Variants in MAGI2 observed in about 807,000 individuals in gnomAD.
The protein encoded by MAGI2 is membrane-associated guanylate kinase, WW and PDZ domain-containing protein 2.
Under a neutral mutation model 133.3 loss-of-function variants are expected in MAGI2, and 35 were observed. The ratio of observed to expected loss-of-function variants is 0.26; its 90% CI spans 0.20 to 0.35. MAGI2 has a LOEUF of 0.35. Ranked by LOEUF, MAGI2 falls within the 10% of genes least tolerant of loss-of-function variation. The pLI, the probability that MAGI2 is intolerant of heterozygous loss-of-function variation, is 1.00. For missense variants in MAGI2, 1,636 were observed against 1,863.4 expected (o/e 0.88, Z 2.25); for synonymous variants, 729 against 710.6 (o/e 1.03, Z -0.41).
chr7:78,573,284 T>TTATATATAAATATATATATATTTA lies in MAGI2; in HGVS notation c.539-51640_539-51639insTAAATATATATATATTTATATATA, dbSNP rs1332121524. Among the ~76,000 whole-genome samples the TTATATATAAATATATATATATTTA allele has an allele frequency of 1.5e-4, 4 of 26,862 alleles. No homozygotes were observed. The East Asian group carries it at 5.7e-3, about 38-fold the overall frequency. The allele number at this position is 26,862 out of a possible 152,430, so 17.6% of individuals were successfully genotyped here. ...TATAAATATATATAAATATATATAT[T>TTATATATAAATATATATATATTTA]TATATAAATATATATATTTATATAT... On this transcript the variant is annotated intron_variant, in intron 3 of 21. Transcript: ENST00000354212.
intron 1 of MAGI2, among the ~76,000 whole-genome samples, chr7:79,372,908 G>A (rs1486574406): frequency 6.6e-6 from 1 of 151,850 alleles, no homozygotes; most frequent in Non-Finnish European, 1.5e-5. Context: ...CTGCTTTGGG[G>A]GAGTTCAGAA....
At chr7:78,560,605 GTGT>G (rs1171962442) in intron 3 of MAGI2, among the ~76,000 whole-genome samples, 1 of 152,072 alleles carries the variant, frequency 6.6e-6, no homozygotes, top group Non-Finnish European at 1.5e-5. Flanking sequence ...CAAAAGACAG[GTGT>G]TACAGAAATT....
intron 1 of MAGI2, among the ~76,000 whole-genome samples, chr7:79,302,954 A>G (rs1023177500): frequency 3.3e-5 from 5 of 152,216 alleles, no homozygotes; most frequent in Non-Finnish European, 7.3e-5. Flanking sequence ...ACTAACCAAT[A>G]CCATTTTAAT....
At chr7:79,179,062 C>T (rs7789660) in intron 1 of MAGI2, among the ~76,000 whole-genome samples, 104,956 of 151,784 alleles carry the variant, frequency 0.69, 39,419 homozygotes, top group Non-Finnish European at 0.84. Flanking sequence ...ACATCATAAA[C>T]AACAATCCTC....
chr7:79,243,178 T>C (rs1467169550), intron 1 of MAGI2, among the ~76,000 whole-genome samples: 2 of 152,046 alleles, frequency 1.3e-5, no homozygotes, highest in Non-Finnish European at 2.9e-5. Context: ...AATATTACAG[T>C]GTTCTGAAAA....
chr7:78,535,394 T>C (rs1471765108), intron 3 of MAGI2, among the ~76,000 whole-genome samples: 1 of 152,194 alleles, frequency 6.6e-6, no homozygotes, highest in African/African-American at 2.4e-5. Flanking sequence ...GATTTGTTTT[T>C]AAAACAGATG....
At chr7:78,921,378 C>G (rs1799208962) in intron 2 of MAGI2, among the ~76,000 whole-genome samples, 1 of 152,036 alleles carries the variant, frequency 6.6e-6, no homozygotes, top group African/African-American at 2.4e-5. Context: ...AATGTAGATT[C>G]CTAAGTTCAT....
chr7:78,854,661 T>A (rs191966891), intron 2 of MAGI2, among the ~76,000 whole-genome samples: 98 of 152,120 alleles, frequency 6.4e-4, no homozygotes, highest in African/African-American at 2.1e-3. Flanking sequence ...TTTTTTTTTT[T>A]TTATTACAAG....
chr7:78,079,686 T>C (rs950931465), intron 20 of MAGI2, among the ~76,000 whole-genome samples: 102 of 152,156 alleles, frequency 6.7e-4, no homozygotes, highest in African/African-American at 2.4e-3. Context: ...AAAATGAGAT[T>C]CTCCATTCTC....
At chr7:78,805,360 C>CCTTTGTT (rs1167809710) in intron 2 of MAGI2, among the ~76,000 whole-genome samples, 1 of 151,804 alleles carries the variant, frequency 6.6e-6, no homozygotes. Flanking sequence ...CATGTTCTTT[C>CCTTTGTT]CTCTTTGTTC....
chr7:79,159,138 G>A lies in MAGI2; in HGVS notation c.302-151932C>T, dbSNP rs142987893. ...TTTATATAAGAAAGGATCTCATGCG[G>A]TAAATTTCTGTCCTAAAATAAAATG... is the stretch of plus-strand genomic sequence containing the variant. On this transcript the variant is annotated intron_variant, in intron 1 of 21. Transcript: ENST00000354212. 2.0e-4 allele frequency among the ~76,000 whole-genome samples: 31 copies of A among 152,194 alleles called. No individual in the cohort carries two copies. The East Asian group carries it at 4.3e-3, about 21-fold the overall frequency.
intron 1 of MAGI2, among the ~76,000 whole-genome samples, chr7:79,283,693 G>C (rs565668290): frequency 6.6e-6 from 1 of 152,010 alleles, no homozygotes; most frequent in East Asian, 1.9e-4. Context: ...CATAAAGAAA[G>C]GTTTTGACTT....
At chr7:78,794,246 G>A (rs1018576819) in intron 2 of MAGI2, among the ~76,000 whole-genome samples, 1 of 152,142 alleles carries the variant, frequency 6.6e-6, no homozygotes, top group Admixed American at 6.5e-5. Flanking sequence ...ATCCTGAGAT[G>A]CGGGCTCAGC....
At chr7:78,578,760 C>T (rs1303369629) in intron 3 of MAGI2, among the ~76,000 whole-genome samples, 1 of 152,102 alleles carries the variant, frequency 6.6e-6, no homozygotes, top group Non-Finnish European at 1.5e-5. Flanking sequence ...ATTTGAATTG[C>T]TAATGAGCTC....
At chr7:78,510,352 T>C (rs1344389684) in intron 4 of MAGI2, among the ~76,000 whole-genome samples, 1 of 152,196 alleles carries the variant, frequency 6.6e-6, no homozygotes, top group African/African-American at 2.4e-5. Flanking sequence ...CTATAAGGAT[T>C]AGATGAGACT....
At chr7:79,293,605 T>G (rs1291651679) in intron 1 of MAGI2, among the ~76,000 whole-genome samples, 1 of 152,234 alleles carries the variant, frequency 6.6e-6, no homozygotes, top group Non-Finnish European at 1.5e-5. Context: ...CACTTTATAG[T>G]TTAATTTACA....
chr7:78,679,762 T>C (rs1815445619), intron 2 of MAGI2, among the ~76,000 whole-genome samples: 1 of 152,070 alleles, frequency 6.6e-6, no homozygotes. Context: ...TAGGAGGCAA[T>C]ACCAATGAAG....
intron 1 of MAGI2, among the ~76,000 whole-genome samples, chr7:79,263,346 C>A (rs1251474999): frequency 1.3e-5 from 2 of 151,952 alleles, no homozygotes; most frequent in Non-Finnish European, 2.9e-5. Flanking sequence ...GGTATGAAAG[C>A]CAACAGTTAC....
chr7:78,776,863 A>G (rs1340046063), intron 2 of MAGI2, among the ~76,000 whole-genome samples: 1 of 152,226 alleles, frequency 6.6e-6, no homozygotes, highest in African/African-American at 2.4e-5. Flanking sequence ...CCTAACAGGT[A>G]AAGATTCTAC....
Sources: gnomAD v4.1 joint callset for allele counts (sites outside exome capture counted in the v4.1 genomes callset) on GRCh38, gnomAD v4.1.1 for gene constraint, MANE v1.5 for transcripts, NCBI Gene and HGNC (gene_info 2026-07-23, HGNC 2026-07-21) for gene names.